DGKZ: variants seen among roughly 807,000 people sequenced by gnomAD.
DGKZ encodes diacylglycerol kinase zeta, also known as DAG kinase zeta.
A neutral mutation model predicts 142.5 loss-of-function variants in DGKZ; 45 were observed. That is an observed-to-expected ratio of 0.32 (90% CI 0.25 to 0.40). DGKZ has a LOEUF of 0.40. DGKZ is among the 10% of genes least tolerant of loss of function. The pLI is 1.00. For missense variants in DGKZ, 755 were observed against 1,306.5 expected (o/e 0.58, Z 6.51); for synonymous variants, 442 against 527.0 (o/e 0.84, Z 2.21).
At chr11:46,370,351 T>C (rs1321695144) in intron 6 of DGKZ, among the ~76,000 whole-genome samples, 1 of 152,274 alleles carries the variant, frequency 6.6e-6, no homozygotes, top group East Asian at 1.9e-4. Context: ...TTTCCCACCC[T>C]CCTGAGGACA....
chr11:46,369,857 C>CGTGTGTTGA (rs1466588377), intron 5 of DGKZ, 84 bp from the exon 6 acceptor site: 1 of 1,453,056 alleles, frequency 6.9e-7, no homozygotes, highest in African/African-American at 1.4e-5. Flanking sequence ...CCTGCAGCCC[C>CGTGTGTTGA]GTGTGTTGAG....
chr11:46,369,685 C>T, intron 5 of DGKZ, 135 bp downstream of exon 5: 4 of 1,230,660 alleles, frequency 3.3e-6, no homozygotes, highest in Admixed American at 1.9e-5. Context: ...CTGAGGTCTG[C>T]CATGCGGAGG....
rs556351919 is a variant in DGKZ at position 46,368,054 on chromosome 11, C to G, written c.419C>G (p.Thr140Arg). 21 of 1,614,064 alleles carry G rather than the reference C, an allele frequency of 1.3e-5. No individual in the cohort carries two copies. The East Asian group carries it at 3.8e-4, about 29-fold the overall frequency. Residue 140 changes from threonine (T) to arginine (R), a missense_variant, in exon 4 of 31, where the codon ACG becomes AGG. Transcript: ENST00000527911. Reference sequence around the variant, plus strand: ...GCAGCCTGCAAGATTGTGGTGCACACGCCCTGCATCGAGCAGCTGGAGAAG... The same window carrying G: ...GCAGCCTGCAAGATTGTGGTGCACAGGCCCTGCATCGAGCAGCTGGAGAAG...
chr11:46,352,544 G>T (rs1186716014), intron 1 of DGKZ, among the ~76,000 whole-genome samples: 3 of 152,140 alleles, frequency 2.0e-5, no homozygotes, highest in Non-Finnish European at 2.9e-5. Context: ...CCAAGTTCTC[G>T]CAGCTAGCCG....
At chr11:46,371,810 C>T (rs1943977931) in intron 9 of DGKZ, 35 bp downstream of exon 9, 1 of 1,599,984 alleles carries the variant, frequency 6.3e-7, no homozygotes, top group Non-Finnish European at 8.5e-7. Context: ...TGCAGGGGAG[C>T]AGGAGAGAGG....
At chr11:46,349,138 A>T (rs1387630713) in intron 1 of DGKZ, among the ~76,000 whole-genome samples, 3 of 152,246 alleles carry the variant, frequency 2.0e-5, no homozygotes, top group Non-Finnish European at 4.4e-5. Context: ...GTCTCTGAGC[A>T]CATGCACAGA....
intron 1 of DGKZ, among the ~76,000 whole-genome samples, chr11:46,353,939 C>T (rs1440451345): frequency 2.0e-5 from 3 of 152,240 alleles, no homozygotes; most frequent in South Asian, 4.1e-4. Context: ...TGTCTCTCCG[C>T]CCCCTTCCCC....
At chr11:46,354,808 A>T (rs900016441) in intron 1 of DGKZ, among the ~76,000 whole-genome samples, 15 of 152,210 alleles carry the variant, frequency 9.9e-5, no homozygotes, top group Non-Finnish European at 2.1e-4. Flanking sequence ...TACCAGGCAT[A>T]TTCTGCATTT....
chr11:46,369,188 C>CA (rs34455497), intron 4 of DGKZ: 5,879 of 401,812 alleles, frequency 0.015, no homozygotes, highest in East Asian at 0.023. Flanking sequence ...AAAACAAAAA[C>CA]AAAAAAAAAA....
In DGKZ at chr11:46,347,564, G is replaced by A. The variant is rs1253414045; in HGVS notation, c.-96G>A. The A allele has an allele frequency of 7.6e-6, 8 of 1,046,040 alleles. No homozygotes were observed. Among genetic ancestry groups the A allele is most frequent in the Non-Finnish European group, 8.0e-6 (7 of 870,334 alleles). The allele number at this position is 1,046,040 out of a possible 1,614,324, so 64.8% of individuals were successfully genotyped here. On this transcript the variant is annotated 5_prime_UTR_variant, in exon 1 of 31. Transcript: ENST00000527911. The surrounding 1 kb of genome is among the most constrained non-coding windows in gnomAD (Gnocchi z 6.4). Reference sequence around the variant, plus strand: ...GGGCGGAGCGAGCGCGCGCCATGGAGGTGGCGGGCGGCGCGGAGCGGGCGT... The same window carrying A: ...GGGCGGAGCGAGCGCGCGCCATGGAAGTGGCGGGCGGCGCGGAGCGGGCGT...
At chr11:46,375,271 C>A (rs1944411428) in intron 19 of DGKZ, among the ~76,000 whole-genome samples, 161 bp from the exon 20 acceptor site, 1 of 152,228 alleles carries the variant, frequency 6.6e-6, no homozygotes, top group Non-Finnish European at 1.5e-5. Flanking sequence ...TCTGTCCCTT[C>A]CCTTTCCTAC....
chr11:46,366,226 G>A lies in DGKZ; in HGVS notation c.162-1065G>A, dbSNP rs186834147. On this transcript the variant is annotated intron_variant, in intron 1 of 30. Transcript: ENST00000527911. The stretch of plus-strand genomic sequence containing the variant: ...GCCTGATCCAGCTCCTGATGCTCCC[G>A]GTCTCTGTGCCCAACAGCCAACCGC... The A allele has an allele frequency of 1.2e-3, 1,858 of 1,540,950 alleles. 3 individuals are homozygous for A. The highest frequency in any genetic ancestry group is 1.0e-3 in the Non-Finnish European group (1,186 of 1,155,574).
At chr11:46,366,293 G>T in intron 1 of DGKZ, 1 of 1,584,274 alleles carries the variant, frequency 6.3e-7, no homozygotes, top group Non-Finnish European at 8.5e-7. Context: ...CCGGGGGAAG[G>T]TGCCAGGCCC....
In DGKZ at chr11:46,378,558, G is replaced by T. The variant is rs540304111; in HGVS notation, c.2418+58G>T. The T allele has an allele frequency of 5.6e-6, 9 of 1,610,644 alleles. No homozygotes were observed. The South Asian group carries it at 9.9e-5, about 18-fold the overall frequency. ...GCAGCTCCCTCGGGCCCTGGGGAGC[G>T]AGGCCTCTGGGTTGGGCCAAGAGCT... On this transcript the variant is annotated intron_variant, in intron 27 of 30. Transcript: ENST00000527911.
At chr11:46,373,182 C>T (rs1944153356) in intron 14 of DGKZ, 81 bp downstream of exon 14, 3 of 1,446,114 alleles carry the variant, frequency 2.1e-6, no homozygotes, top group Non-Finnish European at 1.8e-6. Context: ...GTTCTGGGAC[C>T]TCGGGCGTGT....
chr11:46,373,285 G>GTTTTTTT (rs961769830), intron 14 of DGKZ, among the ~76,000 whole-genome samples, 184 bp downstream of exon 14: 7 of 115,358 alleles, frequency 6.1e-5, no homozygotes, highest in African/African-American at 1.0e-4. Context: ...TTTTTTTTTT[G>GTTTTTTT]TTTTTTTTTT....
At chr11:46,374,048 G>A (rs1590615790) in intron 14 of DGKZ, 109 bp from the exon 15 acceptor site, 1 of 1,242,034 alleles carries the variant, frequency 8.1e-7, no homozygotes, top group South Asian at 1.3e-5. Context: ...CTGCTGACCA[G>A]GAAAAGCCTG....
intron 1 of DGKZ, chr11:46,364,416 C>T (rs989850949): frequency 1.0e-5 from 13 of 1,288,104 alleles, no homozygotes; most frequent in East Asian, 5.6e-5. Flanking sequence ...GGAGACCCAG[C>T]GCTCTCCACC....
chr11:46,364,524 C>T, intron 1 of DGKZ: 4 of 1,208,564 alleles, frequency 3.3e-6, no homozygotes, highest in Non-Finnish European at 4.2e-6. Context: ...CCTGACCTCC[C>T]TGTCATCTGA....
Sources: allele counts gnomAD v4.1 joint callset (sites outside exome capture counted in the v4.1 genomes callset), GRCh38; gene constraint gnomAD v4.1.1; non-coding constraint Gnocchi (gnomAD v3.1); transcripts MANE v1.5; gene names NCBI Gene and HGNC (gene_info 2026-07-23, HGNC 2026-07-21).